Variants in SGCD observed in about 807,000 individuals in gnomAD.
The protein encoded by SGCD is delta-sarcoglycan.
A neutral mutation model predicts 36.6 loss-of-function variants in SGCD; 18 were observed. The observed-to-expected ratio is 0.49, with a 90% confidence interval of 0.34 to 0.73. SGCD has a LOEUF of 0.73. SGCD is among the 30% of genes least tolerant of loss of function. The pLI is 0.01. For missense variants in SGCD, 387 were observed against 346.7 expected (o/e 1.12, Z -0.92); for synonymous variants, 133 against 130.6 (o/e 1.02, Z -0.12).
intron 7 of SGCD, among the ~76,000 whole-genome samples, chr5:156,687,727 A>G (rs1215581717): frequency 6.6e-6 from 1 of 152,196 alleles, no homozygotes; most frequent in East Asian, 1.9e-4. Context: ...CTGTGCTGAT[A>G]TGAACCCAAT....
rs39925 is a variant in SGCD, at chr5:156,647,240, T to G, written c.503-224T>G. On this transcript the variant is annotated intron_variant, in intron 6 of 8. Coordinates refer to ENST00000337851, the MANE Select transcript of SGCD (RefSeq NM_000337.6). Reference sequence around the variant, plus strand: ...AATTTGCCTCATGGCCTCACTCTGATCTCAGCAAGAATGCTTTCAAAAGAA... The same window carrying G: ...AATTTGCCTCATGGCCTCACTCTGAGCTCAGCAAGAATGCTTTCAAAAGAA... Among the ~76,000 whole-genome samples, 56,439 of 152,044 alleles carry G rather than the reference T, an allele frequency of 0.37. 12,978 individuals are homozygous for G. Among genetic ancestry groups the G allele is most frequent in the East Asian group, 0.58 (2,963 of 5,150 alleles).
chr5:155,755,169 G>A, the SGCD span, among the ~76,000 whole-genome samples: 4 of 152,138 alleles, frequency 2.6e-5, no homozygotes, highest in Admixed American at 6.5e-5. Flanking sequence ...AGCTTATGGA[G>A]AAATATTATT....
intron 3 of SGCD, among the ~76,000 whole-genome samples, chr5:156,476,130 C>T (rs1310529752): frequency 1.3e-5 from 2 of 152,134 alleles, no homozygotes; most frequent in Non-Finnish European, 2.9e-5. Context: ...AAGAACTGGA[C>T]AACATCTAAG....
intron 1 of SGCD, among the ~76,000 whole-genome samples, chr5:155,970,029 C>G (rs1169829743): frequency 6.6e-6 from 1 of 151,970 alleles, no homozygotes; most frequent in Non-Finnish European, 1.5e-5. Flanking sequence ...TACACACACA[C>G]ACACAACCTA....
chr5:155,916,032 G>A (rs892355407), intron 1 of SGCD, among the ~76,000 whole-genome samples: 6 of 152,160 alleles, frequency 3.9e-5, no homozygotes, highest in African/African-American at 7.2e-5. Flanking sequence ...CTTCACTTAA[G>A]CAGCCATTTT....
intron 6 of SGCD, among the ~76,000 whole-genome samples, chr5:156,613,926 A>G (rs943988182): frequency 2.0e-5 from 3 of 152,090 alleles, no homozygotes; most frequent in South Asian, 2.1e-4. Context: ...CAACAACCCT[A>G]TTAGGAGGGT....
intron 1 of SGCD, among the ~76,000 whole-genome samples, chr5:156,095,126 C>T (rs982566253): frequency 6.6e-6 from 1 of 152,180 alleles, no homozygotes; most frequent in Non-Finnish European, 1.5e-5. Context: ...CACAAGCCAC[C>T]TCCTGATACT....
upstream of SGCD, among the ~76,000 whole-genome samples, chr5:156,323,603 C>T (rs533772228): frequency 1.5e-4 from 23 of 152,242 alleles, no homozygotes; most frequent in East Asian, 4.4e-3. Context: ...AGCTTATATT[C>T]AAGTGAAGAT....
intron 3 of SGCD, among the ~76,000 whole-genome samples, chr5:156,206,884 GACTGAT>G (rs1265044463): frequency 1.3e-5 from 2 of 151,894 alleles, no homozygotes; most frequent in Admixed American, 1.3e-4. Flanking sequence ...CTCTTGAAAA[GACTGAT>G]AGTTATTTTT....
At chr5:156,150,664 C>G (rs906681002) in intron 3 of SGCD, among the ~76,000 whole-genome samples, 8 of 151,686 alleles carry the variant, frequency 5.3e-5, no homozygotes, top group Admixed American at 2.0e-4. Context: ...AGGGGATAAG[C>G]TGTGGCTTCC....
chr5:155,735,816 T>C, the SGCD span, among the ~76,000 whole-genome samples: 1 of 152,206 alleles, frequency 6.6e-6, no homozygotes, highest in Admixed American at 6.5e-5. Flanking sequence ...TAAGGTTTTA[T>C]GGGCTTTTTG....
upstream of SGCD, among the ~76,000 whole-genome samples, chr5:155,867,292 C>A (rs13436254): frequency 0.13 from 19,061 of 151,968 alleles, 1,572 homozygotes; most frequent in African/African-American, 0.24. Context: ...CAGAAAAATA[C>A]GGCAAAGATA....
intron 3 of SGCD, among the ~76,000 whole-genome samples, chr5:156,447,596 G>A (rs1018201892): frequency 6.6e-6 from 1 of 152,072 alleles, no homozygotes; most frequent in Admixed American, 6.6e-5. Flanking sequence ...AGTAGGAGCC[G>A]AACAACAAGA....
the SGCD span, among the ~76,000 whole-genome samples, chr5:155,756,292 A>C: frequency 6.6e-6 from 1 of 152,260 alleles, no homozygotes; most frequent in African/African-American, 2.4e-5. Context: ...CTGATTATCC[A>C]TAGGGTCCAA....
chr5:156,596,946 T>TCCTGTCCAG (rs1319713328), intron 6 of SGCD, among the ~76,000 whole-genome samples: 7 of 152,150 alleles, frequency 4.6e-5, no homozygotes, highest in Non-Finnish European at 8.8e-5. Context: ...CCTGTCCCAG[T>TCCTGTCCAG]CTCATCCTGG....
In SGCD at chr5:156,281,872, A is replaced by G. The variant is rs140619964; in HGVS notation, c.-43-47662A>G. Among the ~76,000 whole-genome samples, 1,143 of 152,234 alleles carry G rather than the reference A, an allele frequency of 7.5e-3. 8 individuals are homozygous for G. The highest frequency in any genetic ancestry group is 0.058 in the Middle Eastern group (17 of 294). ...TCATTACACCATAGGCCCTCTCATT[A>G]TAGTAACTCCAAGAGTTCCAAGCTT... On this transcript the variant is annotated intron_variant, in intron 3 of 9. Transcript: ENST00000517913.
At chr5:156,208,736 C>T (rs1448374022) in intron 3 of SGCD, among the ~76,000 whole-genome samples, 3 of 152,154 alleles carry the variant, frequency 2.0e-5, no homozygotes, top group Non-Finnish European at 4.4e-5. Flanking sequence ...TATTCTTCTG[C>T]TCTGGTGCTC....
At chr5:156,634,717 G>C (rs6871079) in intron 6 of SGCD, among the ~76,000 whole-genome samples, 39,512 of 151,916 alleles carry the variant, frequency 0.26, 5,477 homozygotes, top group African/African-American at 0.36. Flanking sequence ...ATGTATTTGT[G>C]AAAACCCACA....
At chr5:156,326,870 C>T (rs1767833759), upstream of SGCD, 1 of 152,388 alleles carries the variant, frequency 6.6e-6, no homozygotes, top group Non-Finnish European at 1.5e-5. Flanking sequence ...GAGTATGAGC[C>T]CGGCAGACAC....
Sources: allele counts gnomAD v4.1 joint callset (sites outside exome capture counted in the v4.1 genomes callset), GRCh38; gene constraint gnomAD v4.1.1; transcripts MANE v1.5; gene names NCBI Gene and HGNC (gene_info 2026-07-23, HGNC 2026-07-21).